CTSS: variants seen among roughly 807,000 people sequenced by gnomAD.
CTSS encodes cathepsin S.
A neutral mutation model predicts 39.9 loss-of-function variants in CTSS; 15 were observed. That is an observed-to-expected ratio of 0.38 (90% CI 0.25 to 0.58). The LOEUF is 0.58. Ranked by LOEUF, CTSS falls within the 20% of genes least tolerant of loss-of-function variation. The pLI is 0.70. For synonymous variants in CTSS, 126 were observed against 138.2 expected (o/e 0.91, Z 0.62); for missense variants, 250 against 398.2 (o/e 0.63, Z 3.17).
intron 7 of CTSS, among the ~76,000 whole-genome samples, chr1:150,745,214 C>T (rs1477649945): frequency 1.3e-5 from 2 of 152,150 alleles, no homozygotes; most frequent in Non-Finnish European, 2.9e-5. Context: ...TTATGGGTTG[C>T]ATTGTGTCCC....
intron 2 of CTSS, 120 bp downstream of exon 2, chr1:150,764,518 G>T (rs897410493): frequency 3.7e-6 from 5 of 1,352,888 alleles, no homozygotes; most frequent in African/African-American, 1.4e-5. Flanking sequence ...GATTACAGGC[G>T]CGAGCCACCA....
At chr1:150,763,823 GT>G (rs372980431) in intron 2 of CTSS, among the ~76,000 whole-genome samples, 34 of 152,300 alleles carry the variant, frequency 2.2e-4, no homozygotes, top group African/African-American at 8.2e-4. Flanking sequence ...GCCACACTAT[GT>G]GGGTATTAAC....
chr1:150,742,838 G>A (rs2101913354), intron 7 of CTSS, among the ~76,000 whole-genome samples: 1 of 152,264 alleles, frequency 6.6e-6, no homozygotes, highest in Admixed American at 6.5e-5. Flanking sequence ...GTTTTCCCTT[G>A]AGCTTGTTTG....
At chr1:150,747,933 G>T (rs1652922221) in intron 6 of CTSS, 54 bp from the exon 7 acceptor site, 1 of 1,185,506 alleles carries the variant, frequency 8.4e-7, no homozygotes, top group Non-Finnish European at 1.2e-6. Flanking sequence ...GATAATAAAG[G>T]GCATTTTAAA....
intron 2 of CTSS, among the ~76,000 whole-genome samples, chr1:150,762,947 T>G (rs1377313768): frequency 6.6e-6 from 1 of 152,150 alleles, no homozygotes; most frequent in Non-Finnish European, 1.5e-5. Flanking sequence ...GCGCAATCAG[T>G]ATGTCAATGA....
At chr1:150,749,755 T>G (rs1290730217) in intron 6 of CTSS, among the ~76,000 whole-genome samples, 1 of 151,070 alleles carries the variant, frequency 6.6e-6, no homozygotes, top group Non-Finnish European at 1.5e-5. Flanking sequence ...GTTCAAGGAG[T>G]CCTCCTGCCT....
At chr1:150,759,807 C>G (rs955070266) in intron 2 of CTSS, among the ~76,000 whole-genome samples, 1 of 152,090 alleles carries the variant, frequency 6.6e-6, no homozygotes, top group African/African-American at 2.4e-5. Flanking sequence ...CCCCAGGGAG[C>G]AGTCAGCAAC....
intron 7 of CTSS, among the ~76,000 whole-genome samples, chr1:150,735,634 G>GA (rs1652619449): frequency 6.6e-6 from 1 of 152,038 alleles, no homozygotes; most frequent in South Asian, 2.1e-4. Flanking sequence ...TGTTGCCCTG[G>GA]TTGGAGTGTG....
rs587622661 is a variant in CTSS at position 150,764,091 on chromosome 1, T to C, written c.126+547A>G. ...CTGTTATTTTTATCTACAACACTTATCACCATCTAGCATACTACATATCTG... is the reference window on the plus strand; with the variant it reads ...CTGTTATTTTTATCTACAACACTTACCACCATCTAGCATACTACATATCTG... On this transcript the variant is annotated intron_variant, in intron 2 of 7. Coordinates refer to ENST00000368985, the MANE Select transcript of CTSS (RefSeq NM_004079.5). Among the ~76,000 whole-genome samples the C allele has an allele frequency of 2.6e-5, 4 of 152,220 alleles. No homozygotes were observed. In the East Asian group the frequency reaches 5.8e-4, roughly 22 times the overall value.
chr1:150,738,264 G>A (rs1652674166), intron 7 of CTSS, among the ~76,000 whole-genome samples: 1 of 152,170 alleles, frequency 6.6e-6, no homozygotes, highest in African/African-American at 2.4e-5. Context: ...ATTGAGAAGT[G>A]CAAGCAAATC....
chr1:150,758,174 C>T (rs1179949131), intron 2 of CTSS, among the ~76,000 whole-genome samples, 194 bp from the exon 3 acceptor site: 2 of 151,964 alleles, frequency 1.3e-5, no homozygotes, highest in African/African-American at 4.8e-5. Flanking sequence ...TTCAACCTTC[C>T]GAGTATCTGG....
intron 4 of CTSS, 39 bp downstream of exon 4, chr1:150,754,962 T>G (rs376052357): frequency 4.0e-4 from 639 of 1,588,886 alleles, no homozygotes; most frequent in Non-Finnish European, 5.4e-4. Flanking sequence ...TTTAAAGAGC[T>G]CTACCTAGGG....
At chr1:150,733,483 A>T (rs1426537626) in intron 7 of CTSS, among the ~76,000 whole-genome samples, 1 of 152,202 alleles carries the variant, frequency 6.6e-6, no homozygotes, top group African/African-American at 2.4e-5. Flanking sequence ...ATTTTTTGAT[A>T]ACAGTATCAT....
At chr1:150,764,906 G>T in intron 1 of CTSS, 142 bp from the exon 2 acceptor site, 1 of 905,568 alleles carries the variant, frequency 1.1e-6, no homozygotes. Flanking sequence ...AAAATTCCTG[G>T]GATATATAGT....
Position 150,751,797 on chromosome 1 carries a change from T to A in CTSS, c.611A>T (p.Tyr204Phe). The A allele has an allele frequency of 2.5e-6, 4 of 1,614,118 alleles. No homozygotes were observed. The highest frequency in any genetic ancestry group is 8.5e-7 in the Non-Finnish European group (1 of 1,179,992). The change falls in exon 5 of 8, where the codon TAT (tyrosine) becomes TTT (phenylalanine). Residue 204 changes from tyrosine (Y) to phenylalanine (F), a missense_variant. Transcript: ENST00000368985. Reference sequence around the variant, plus strand: ...AAGACGCACCATGGCTTTGTAGGGATAGGAAGCGTCTGAGTCGATGCCCTT... The same window carrying A: ...AAGACGCACCATGGCTTTGTAGGGAAAGGAAGCGTCTGAGTCGATGCCCTT... ...DNKGIDSDAS[Y>F]PYKAMDQKCQ...
At chr1:150,745,093 G>A (rs186696775) in intron 7 of CTSS, among the ~76,000 whole-genome samples, 1 of 152,188 alleles carries the variant, frequency 6.6e-6, no homozygotes, top group Non-Finnish European at 1.5e-5. Flanking sequence ...CTTTCCCCAT[G>A]GGCCATACGA....
intron 7 of CTSS, among the ~76,000 whole-genome samples, chr1:150,743,150 AAAAT>A (rs1296109990): frequency 1.3e-5 from 2 of 152,112 alleles, no homozygotes; most frequent in Non-Finnish European, 2.9e-5. Flanking sequence ...GCAGGTGGAT[AAAAT>A]AACGTAAGAT....
chr1:150,749,792 A>T (rs1383019599), intron 6 of CTSS, among the ~76,000 whole-genome samples: 2 of 151,472 alleles, frequency 1.3e-5, no homozygotes, highest in African/African-American at 4.9e-5. Flanking sequence ...TGAGACTACA[A>T]GTGAGTGTCA....
At chr1:150,755,719 G>A (rs781109540) in intron 3 of CTSS, among the ~76,000 whole-genome samples, 2 of 151,476 alleles carry the variant, frequency 1.3e-5, no homozygotes, top group Non-Finnish European at 2.9e-5. Flanking sequence ...CAGCCTGGGC[G>A]ACAGAGTGAG....
Sources: gnomAD v4.1 joint callset for allele counts (sites outside exome capture counted in the v4.1 genomes callset) on GRCh38, gnomAD v4.1.1 for gene constraint, MANE v1.5 for transcripts, NCBI Gene and HGNC (gene_info 2026-07-23, HGNC 2026-07-21) for gene names.